Variants in ZNF831 observed in about 807,000 individuals in gnomAD.
ZNF831 encodes zinc finger protein 831.
A neutral mutation model predicts 95.8 loss-of-function variants in ZNF831; 59 were observed. The observed-to-expected ratio is 0.62, with a 90% CI of 0.50 to 0.77. ZNF831 has a LOEUF of 0.77. Among genes scored for constraint, ZNF831 ranks in the 30% least tolerant of loss-of-function variants. The pLI, the probability that ZNF831 is intolerant of heterozygous loss-of-function variation, is 0.00. For synonymous variants in ZNF831, 961 were observed against 925.5 expected, an observed-to-expected ratio of 1.04 and a Z score of -0.70; for missense variants, 2,205 against 2,164.0, an observed-to-expected ratio of 1.02 and a Z score of -0.38.
chr20:59,195,998 C>G lies in ZNF831; in HGVS notation c.3868C>G (p.Pro1290Ala). 1 of 1,613,734 alleles carries G rather than the reference C, an allele frequency of 6.2e-7. No individual in the cohort carries two copies. The highest frequency in any genetic ancestry group is 8.5e-7 in the Non-Finnish European group (1 of 1,179,858). The change falls in exon 3 of 6, where the codon CCT becomes GCT. Residue 1290 changes from proline (P) to alanine (A), a missense_variant. Pro to Ala is a conservative substitution (Grantham distance 27). Transcript: ENST00000371030. ...CAAGCAGAGAAAACTGAAGATCAAC[C>G]CTAAAAGGTAGGATGAGTGGCCACC... ...NSKQRKLKIN[P>A]KRYKGNFLQS...
chr20:59,183,058 A>G (rs1185024264), intron 1 of ZNF831, among the ~76,000 whole-genome samples: 1 of 152,108 alleles, frequency 6.6e-6, no homozygotes, highest in African/African-American at 2.4e-5. Flanking sequence ...AGGGGTTTCA[A>G]TGTGGGGCCA....
intron 1 of ZNF831, among the ~76,000 whole-genome samples, chr20:59,172,995 A>G (rs1324362178): frequency 1.3e-5 from 2 of 152,218 alleles, no homozygotes. Context: ...TAGAGGGAGC[A>G]GGGGCTTGTT....
At chr20:59,160,856 T>A (rs1181853963), upstream of ZNF831, 1 of 151,500 alleles carries the variant, frequency 6.6e-6, no homozygotes, top group Non-Finnish European at 1.5e-5. Flanking sequence ...GAATAGTCAA[T>A]GCAGACTGCA....
intron 1 of ZNF831, among the ~76,000 whole-genome samples, chr20:59,170,554 G>A (rs1013455290): frequency 6.6e-6 from 1 of 152,200 alleles, no homozygotes; most frequent in South Asian, 2.1e-4. Context: ...GGCCTGGAAT[G>A]TGGTCTATCT....
intron 3 of ZNF831, among the ~76,000 whole-genome samples, chr20:59,199,785 T>G (rs1984398496): frequency 6.6e-6 from 1 of 152,210 alleles, no homozygotes; most frequent in Non-Finnish European, 1.5e-5. Flanking sequence ...TTTATTTATA[T>G]GTACCCACAT....
At chr20:59,215,838 G>A (rs1985642664) in intron 4 of ZNF831, among the ~76,000 whole-genome samples, 1 of 152,172 alleles carries the variant, frequency 6.6e-6, no homozygotes, top group Admixed American at 6.5e-5. Context: ...TTAATATTAT[G>A]TGCCATTAAG....
intron 4 of ZNF831, among the ~76,000 whole-genome samples, chr20:59,251,174 G>C (rs1273148080): frequency 1.3e-5 from 2 of 151,636 alleles, no homozygotes; most frequent in Admixed American, 1.3e-4. Context: ...GGAAGGAAAA[G>C]GAAAAAAGAA....
chr20:59,219,935 T>C (rs1985969468), intron 4 of ZNF831, among the ~76,000 whole-genome samples: 1 of 152,064 alleles, frequency 6.6e-6, no homozygotes, highest in Non-Finnish European at 1.5e-5. Context: ...GGTAGGACGA[T>C]ATAGTCATTG....
At chr20:59,195,683 T>G (rs116571129) in intron 2 of ZNF831, 186 bp from the exon 3 acceptor site, 9,694 of 826,776 alleles carry the variant, frequency 0.012, 73 homozygotes, top group African/African-American at 0.028. Context: ...TTTCAGGAGG[T>G]TCTGTCCAGG....
At chr20:59,186,219 T>C (rs1212101283) in intron 1 of ZNF831, among the ~76,000 whole-genome samples, 1 of 152,136 alleles carries the variant, frequency 6.6e-6, no homozygotes, top group Non-Finnish European at 1.5e-5. Context: ...CCCATTTCCT[T>C]ACAAGTGTTT....
Position 59,193,881 on chromosome 20 carries a change from G to A in ZNF831, c.2862G>A (p.Leu954=). The A allele has an allele frequency of 6.2e-7, 1 of 1,609,918 alleles. No individual in the cohort carries two copies. The highest frequency in any genetic ancestry group is 8.5e-7 in the Non-Finnish European group (1 of 1,178,058). The change falls in exon 2 of 6, where the codon CTG becomes CTA. Residue 954 remains leucine (L), a synonymous_variant. Coordinates refer to ENST00000371030, the MANE Select transcript of ZNF831 (RefSeq NM_178457.3). ...CTCAGGCAGAGACCCCCTTACCACT[G>A]CCCATTCCCTGGGGACCAAGGCACA... ...RLPQAETPLP[L]PIPWGPRHSQ...
At chr20:59,133,834 C>T (rs1568721309) in intron 1 of ZNF831, among the ~76,000 whole-genome samples, 1 of 152,226 alleles carries the variant, frequency 6.6e-6, no homozygotes, top group Non-Finnish European at 1.5e-5. Context: ...CTCTCTGCTC[C>T]TTTAGGCCCT....
At chr20:59,128,704 C>T (rs1432636494) in intron 1 of ZNF831, among the ~76,000 whole-genome samples, 1 of 152,220 alleles carries the variant, frequency 6.6e-6, no homozygotes, top group African/African-American at 2.4e-5. Context: ...GTGGTGGTGG[C>T]TCAGGCCGGG....
rs567540641 is a variant in ZNF831 at position 59,248,157 on chromosome 20, C to T, written c.4028-4821C>T. Among the ~76,000 whole-genome samples the T allele has an allele frequency of 5.3e-5, 8 of 152,264 alleles. No homozygotes were observed. The East Asian group carries it at 1.5e-3, about 29-fold the overall frequency. On this transcript the variant is annotated intron_variant, in intron 4 of 5. Transcript: ENST00000371030. Reference sequence around the variant, plus strand: ...ACAGAGAGCTGTGATGAGAGATGGTCTCTCTAATAAGAGTCCCATAATTGT... The same window carrying T: ...ACAGAGAGCTGTGATGAGAGATGGTTTCTCTAATAAGAGTCCCATAATTGT...
chr20:59,143,491 T>C (rs965324626), intron 1 of ZNF831, among the ~76,000 whole-genome samples: 101 of 152,206 alleles, frequency 6.6e-4, no homozygotes, highest in African/African-American at 2.3e-3. Context: ...CCTCTCTCCC[T>C]TCCCTCCTGG....
chr20:59,192,474 C>T lies in ZNF831; in HGVS notation c.1455C>T (p.Phe485=), dbSNP rs1207499907. 6.3e-7 allele frequency: 1 copy of T among 1,585,532 alleles called. No homozygotes were observed. Among genetic ancestry groups the T allele is most frequent in the Admixed American group, 1.8e-5 (1 of 56,390 alleles). ...CAGACAAGTCTCGGCCCCTCTTCTT[C>T]CACTCCGTCCCCACTCAGCTCTCCA... ...TPPDKSRPLF[F]HSVPTQLSTT... The change falls in exon 2 of 6, where the codon TTC becomes TTT. Residue 485 remains phenylalanine (F), a synonymous_variant. Transcript: ENST00000371030. The surrounding 1 kb of genome is among the most constrained non-coding windows in gnomAD (Gnocchi z 5.2).
intron 4 of ZNF831, among the ~76,000 whole-genome samples, chr20:59,227,645 T>G (rs1986502651): frequency 6.6e-6 from 1 of 152,192 alleles, no homozygotes; most frequent in South Asian, 2.1e-4. Flanking sequence ...ACCCTCAAAC[T>G]TCAGTTATAT....
At chr20:59,230,437 A>C (rs1298461581) in intron 4 of ZNF831, among the ~76,000 whole-genome samples, 1 of 152,050 alleles carries the variant, frequency 6.6e-6, no homozygotes, top group East Asian at 1.9e-4. Flanking sequence ...AAGCCAGTAC[A>C]CTCCAGCCTG....
intron 2 of ZNF831, among the ~76,000 whole-genome samples, chr20:59,151,812 C>A (rs899930338): frequency 6.6e-6 from 1 of 152,194 alleles, no homozygotes; most frequent in East Asian, 1.9e-4. Context: ...ATGTTCTCCA[C>A]GAGGGAACGC....
Sources: allele counts gnomAD v4.1 joint callset (sites outside exome capture counted in the v4.1 genomes callset), GRCh38; gene constraint gnomAD v4.1.1; non-coding constraint Gnocchi (gnomAD v3.1); transcripts MANE v1.5; gene names NCBI Gene and HGNC (gene_info 2026-07-23, HGNC 2026-07-21).